Variants in INSL6 observed in about 807,000 individuals in gnomAD.
INSL6 encodes insulin-like peptide INSL6.
INSL6 carries 16 observed loss-of-function variants against 9.4 expected under a neutral mutation model. The observed-to-expected ratio is 1.70, with a 90% CI of 1.15 to 2.59. The LOEUF (loss-of-function observed/expected upper bound fraction) is 2.59, where lower values mean the gene tolerates loss of function less well. INSL6 is among the 30% of genes most tolerant of loss of function. INSL6 has a pLI of 0.00. For synonymous variants in INSL6, 154 were observed against 96.9 expected, an observed-to-expected ratio of 1.59 and a Z score of -3.46; for missense variants, 391 against 257.3, an observed-to-expected ratio of 1.52 and a Z score of -3.56.
intron 2 of INSL6, among the ~76,000 whole-genome samples, chr9:5,139,238 GC>G (rs1464674717): frequency 2.6e-5 from 4 of 151,986 alleles, no homozygotes; most frequent in Non-Finnish European, 4.4e-5. Context: ...TAGCATTGTG[GC>G]TTTGAAGTAT....
At chr9:5,170,322 G>GT (rs371216373) in intron 1 of INSL6, among the ~76,000 whole-genome samples, 145 of 152,144 alleles carry the variant, frequency 9.5e-4, no homozygotes, top group African/African-American at 3.3e-3. Context: ...AAGAAACAAC[G>GT]TATCAGAATC....
the INSL6 span, among the ~76,000 whole-genome samples, chr9:5,102,526 C>A: frequency 1.3e-5 from 2 of 152,144 alleles, no homozygotes; most frequent in African/African-American, 4.8e-5. Flanking sequence ...CATTCAAATT[C>A]AGGAAATACA....
the INSL6 span, chr9:5,055,887 T>C: frequency 9.1e-7 from 1 of 1,094,414 alleles, no homozygotes; most frequent in South Asian, 1.6e-5. Flanking sequence ...GGTAGGAATT[T>C]TGATTGTAGT....
At chr9:5,145,525 C>T (rs1238154849) in intron 2 of INSL6, among the ~76,000 whole-genome samples, 1 of 152,148 alleles carries the variant, frequency 6.6e-6, no homozygotes, top group Non-Finnish European at 1.5e-5. Flanking sequence ...TGGGAAAGTT[C>T]TCATGGATGA....
chr9:5,021,642 T>G, the INSL6 span, among the ~76,000 whole-genome samples: 5 of 152,196 alleles, frequency 3.3e-5, no homozygotes, highest in Non-Finnish European at 7.3e-5. Context: ...TGTATTCATT[T>G]TTGAGACAGG....
the INSL6 span, among the ~76,000 whole-genome samples, chr9:5,008,860 C>T: frequency 2.6e-5 from 4 of 152,166 alleles, no homozygotes; most frequent in East Asian, 3.9e-4. Context: ...AATTGTACTC[C>T]CTGGATTGAT....
chr9:5,022,217 A>G, the INSL6 span: 6 of 1,606,592 alleles, frequency 3.7e-6, no homozygotes, highest in Non-Finnish European at 5.1e-6. Context: ...GCTTGTGGTA[A>G]GTATTAAAAA....
chr9:5,098,335 G>T, the INSL6 span: 1 of 152,156 alleles, frequency 6.6e-6, no homozygotes, highest in African/African-American at 2.4e-5. Context: ...AATCCTATAT[G>T]TCTTAATGGC....
intron 1 of INSL6, among the ~76,000 whole-genome samples, chr9:5,169,272 C>G (rs1340561918): frequency 6.6e-6 from 1 of 152,140 alleles, no homozygotes; most frequent in African/African-American, 2.4e-5. Flanking sequence ...TCTGGCCAAA[C>G]TAAGCTTTAT....
chr9:5,093,121 G>A, the INSL6 span, among the ~76,000 whole-genome samples: 13 of 152,086 alleles, frequency 8.5e-5, 1 homozygote, highest in Admixed American at 5.9e-4. Context: ...ATTCTCCACC[G>A]CATAAGCTTA....
At chr9:5,180,535 G>A (rs1244840866) in intron 1 of INSL6, among the ~76,000 whole-genome samples, 1 of 152,064 alleles carries the variant, frequency 6.6e-6, no homozygotes, top group South Asian at 2.1e-4. Context: ...CTGGAGGGAG[G>A]TCTATAAACA....
At chr9:5,054,569 G>A in the INSL6 span, 3 of 1,576,852 alleles carry the variant, frequency 1.9e-6, no homozygotes, top group Non-Finnish European at 2.6e-6. The surrounding 1 kb of genome is among the most constrained non-coding windows in gnomAD (Gnocchi z 4.9). Context: ...CTAGCTACAA[G>A]ACATTCTTAC....
At chr9:5,021,149 T>C in the INSL6 span, among the ~76,000 whole-genome samples, 1 of 152,182 alleles carries the variant, frequency 6.6e-6, no homozygotes, top group South Asian at 2.1e-4. Context: ...TTCTGGCTGA[T>C]CCTGGCTGAG....
At chr9:5,006,352 C>A in the INSL6 span, among the ~76,000 whole-genome samples, 2 of 152,244 alleles carry the variant, frequency 1.3e-5, no homozygotes, top group African/African-American at 4.8e-5. Context: ...TATGCTGAGA[C>A]TTTGCTGAAG....
intron 1 of INSL6, among the ~76,000 whole-genome samples, chr9:5,165,733 T>C (rs1315957661): frequency 1.6e-4 from 24 of 152,232 alleles, no homozygotes; most frequent in Middle Eastern, 3.2e-3. Context: ...GTCACTGTTA[T>C]GCTGCTCTTA....
the INSL6 span, among the ~76,000 whole-genome samples, chr9:5,002,924 T>G: frequency 1.3e-5 from 2 of 151,976 alleles, no homozygotes; most frequent in African/African-American, 4.8e-5. Flanking sequence ...ATGAAGTAGA[T>G]AGAAGTTAAG....
At chr9:5,026,459 G>C in the INSL6 span, among the ~76,000 whole-genome samples, 1 of 152,146 alleles carries the variant, frequency 6.6e-6, no homozygotes, top group Non-Finnish European at 1.5e-5. Flanking sequence ...TTTAAATTAA[G>C]AATTTAAGTC....
At chr9:5,099,961 C>G in the INSL6 span, 3 of 152,178 alleles carry the variant, frequency 2.0e-5, no homozygotes, top group Non-Finnish European at 4.4e-5. Context: ...CACACCTATG[C>G]CACTTATCCC....
At chr9:5,063,605 T>A in the INSL6 span, among the ~76,000 whole-genome samples, 1 of 152,164 alleles carries the variant, frequency 6.6e-6, no homozygotes, top group Non-Finnish European at 1.5e-5. Flanking sequence ...ATTAGAAAAT[T>A]AATTTAGAGA....
Sources: allele counts gnomAD v4.1 joint callset (sites outside exome capture counted in the v4.1 genomes callset), GRCh38; gene constraint gnomAD v4.1.1; non-coding constraint Gnocchi (gnomAD v3.1); transcripts MANE v1.5; gene names NCBI Gene and HGNC (gene_info 2026-07-23, HGNC 2026-07-21).